Variants in HMGCS2 observed in about 807,000 individuals in gnomAD.
HMGCS2 encodes the protein hydroxymethylglutaryl-CoA synthase, mitochondrial.
Under a neutral mutation model 57.4 loss-of-function variants are expected in HMGCS2, and 50 were observed. The ratio of observed to expected loss-of-function variants is 0.87; its 90% CI spans 0.69 to 1.10. The LOEUF (loss-of-function observed/expected upper bound fraction) is 1.10. HMGCS2 is among the 50% of genes least tolerant of loss of function. The pLI, the probability that HMGCS2 is intolerant of heterozygous loss-of-function variation, is 0.00. For synonymous variants in HMGCS2, 254 were observed against 245.1 expected (o/e 1.04, Z -0.34); for missense variants, 627 against 636.5 (o/e 0.99, Z 0.16).
At chr1:119,763,082 G>A (rs1050643087) in intron 2 of HMGCS2, among the ~76,000 whole-genome samples, 2 of 152,116 alleles carry the variant, frequency 1.3e-5, no homozygotes, top group African/African-American at 2.4e-5. Context: ...GATGTAGACT[G>A]GACCATCCCA....
intron 6 of HMGCS2, among the ~76,000 whole-genome samples, chr1:119,754,204 G>C (rs896463014): frequency 6.6e-6 from 1 of 152,118 alleles, no homozygotes; most frequent in South Asian, 2.1e-4. Flanking sequence ...CTACAGGCAC[G>C]TACCACCATG....
intron 2 of HMGCS2, 107 bp from the exon 3 acceptor site, chr1:119,760,096 A>G (rs1652992215): frequency 1.9e-6 from 2 of 1,042,024 alleles, no homozygotes; most frequent in Non-Finnish European, 1.5e-6. Context: ...AGAGTGATAA[A>G]CAAAATAAAA....
chr1:119,750,811 A>G lies in HMGCS2; in HGVS notation c.1518T>C (p.Arg506=), dbSNP rs761781401. ...CTCTCACTCACCACCTTTAGACGGG[A>G]CGCCGGGCATACTTTCGGCGATGCT... is the stretch of plus-strand genomic sequence containing the variant. The part of the protein sequence containing the change: ...DEQHRRKYAR[R]PV The change falls in exon 9 of 10, where the codon CGT becomes CGC. Residue 506 remains arginine (R), a synonymous_variant. Coordinates refer to ENST00000369406, the MANE Select transcript of HMGCS2 (RefSeq NM_005518.4). 6.2e-7 allele frequency: 1 copy of G among 1,612,506 alleles called. No individual in the cohort carries two copies. Among genetic ancestry groups the G allele is most frequent in the South Asian group, 1.1e-5 (1 of 91,038 alleles).
chr1:119,751,872 A>G (rs1652671729), intron 8 of HMGCS2, among the ~76,000 whole-genome samples: 1 of 152,208 alleles, frequency 6.6e-6, no homozygotes, highest in Admixed American at 6.5e-5. Context: ...TTTGCTTGAG[A>G]ATATATATAA....
At chr1:119,755,621 A>T (rs1409599608) in intron 5 of HMGCS2, 24 bp from the exon 6 acceptor site, 1 of 1,613,398 alleles carries the variant, frequency 6.2e-7, no homozygotes, top group African/African-American at 1.3e-5. Flanking sequence ...AGAGGTAGCC[A>T]TGTGAGAGGC....
intron 6 of HMGCS2, among the ~76,000 whole-genome samples, chr1:119,754,590 C>G (rs896753649): frequency 3.3e-5 from 5 of 151,262 alleles, no homozygotes; most frequent in Admixed American, 1.3e-4. Context: ...ACCTGCTAAG[C>G]ACTGCTATTT....
At position 119,764,214 on chromosome 1, in the gene HMGCS2, G is replaced by A. The variant is rs757431290; in HGVS notation, c.517C>T (p.Leu173Phe). The change falls in exon 2 of 10, where the codon CTC becomes TTC. Residue 173 changes from leucine to phenylalanine, a missense_variant. Transcript: ENST00000369406. ...TNACYGGTAS[L>F]FNAANWMESS... ...TCCATCCAGTTGGCAGCATTGAAGA[G>A]GGAGGCAGTACCACCGTAGCAGGCA... The A allele has an allele frequency of 8.7e-6, 14 of 1,613,748 alleles. No homozygotes were observed. The African/African-American group carries it at 1.9e-4, about 22-fold the overall frequency.
intron 1 of HMGCS2, among the ~76,000 whole-genome samples, chr1:119,766,863 G>A (rs1653248445): frequency 6.6e-6 from 1 of 152,164 alleles, no homozygotes; most frequent in African/African-American, 2.4e-5. Flanking sequence ...ATAAAGCCTT[G>A]AAGAAAATTA....
At chr1:119,760,175 T>A (rs1482005937) in intron 2 of HMGCS2, among the ~76,000 whole-genome samples, 186 bp from the exon 3 acceptor site, 1 of 152,222 alleles carries the variant, frequency 6.6e-6, no homozygotes, top group Non-Finnish European at 1.5e-5. Flanking sequence ...AGTCAAAATT[T>A]AGTGTCCTGA....
intron 2 of HMGCS2, among the ~76,000 whole-genome samples, chr1:119,761,726 A>C (rs894817360): frequency 6.6e-6 from 1 of 152,102 alleles, no homozygotes; most frequent in African/African-American, 2.4e-5. Flanking sequence ...GATCACCGCC[A>C]CTGCACTCCA....
In HMGCS2 at chr1:119,748,766, A is replaced by T. The variant is rs1652542147; in HGVS notation, c.*81T>A. ...AATTCATTTACCAGCTAAGAGTGGG[A>T]TCTTAAAAATATGATTCACGGGGAG... On this transcript the variant is annotated 3_prime_UTR_variant, in exon 10 of 10. Transcript: ENST00000369406. The T allele has an allele frequency of 1.3e-5, 2 of 152,190 alleles. No individual in the cohort carries two copies. The highest frequency in any genetic ancestry group is 2.4e-5 in the African/African-American group (1 of 41,442). 9.4% of individuals were successfully genotyped at this position (152,190 alleles called of 1,614,324 possible).
At chr1:119,761,706 A>C (rs1177479766) in intron 2 of HMGCS2, among the ~76,000 whole-genome samples, 1 of 152,080 alleles carries the variant, frequency 6.6e-6, no homozygotes, top group African/African-American at 2.4e-5. Context: ...CAGAGGTTGC[A>C]GTGAGCTGAG....
intron 9 of HMGCS2, 28 bp downstream of exon 9, chr1:119,750,769 G>GCCACCAA: frequency 7.0e-7 from 1 of 1,427,820 alleles, no homozygotes; most frequent in Non-Finnish European, 9.9e-7. Flanking sequence ...AGGGTTTTAT[G>GCCACCAA]CCACCAACTC....
At position 119,748,355 on chromosome 1, in the gene HMGCS2, G is replaced by T. The variant is rs587625788; in HGVS notation, c.*492C>A. The T allele has an allele frequency of 6.6e-6, 1 of 152,282 alleles. No individual in the cohort carries two copies. Among genetic ancestry groups the T allele is most frequent in the South Asian group, 2.1e-4 (1 of 4,822 alleles). The allele number at this position is 152,282 out of a possible 1,614,324, so 9.4% of individuals were successfully genotyped here. A position where few individuals can be genotyped will look rare whatever the true frequency, so the allele number is the denominator to read the frequency against. ...GCATGTTAGGCTGGGTTTGTATTCT[G>T]GGTTCCAAGAAACGCAGGAATCATT... is the stretch of plus-strand genomic sequence containing the variant. On this transcript the variant is annotated 3_prime_UTR_variant, in exon 10 of 10. Transcript: ENST00000369406.
chr1:119,761,167 G>C (rs1653025452), intron 2 of HMGCS2, among the ~76,000 whole-genome samples: 1 of 147,318 alleles, frequency 6.8e-6, no homozygotes, highest in Non-Finnish European at 1.5e-5. Context: ...ATTAGTATAA[G>C]TAAATTGGTA....
Position 119,759,859 on chromosome 1 carries a change from C to A in HMGCS2, c.685+5G>T. 1 of 1,614,064 alleles carries A rather than the reference C, an allele frequency of 6.2e-7. No individual in the cohort carries two copies. The highest frequency in any genetic ancestry group is 8.5e-7 in the Non-Finnish European group (1 of 1,179,966). ...ACAGCCTCTTGGTAATGGATTACTA[C>A]AAACCTCGCTCCAGGGCCAGAGGGG... On this transcript the variant is annotated splice_donor_5th_base_variant and intron_variant, in intron 3 of 9. Coordinates refer to ENST00000369406, the MANE Select transcript of HMGCS2 (RefSeq NM_005518.4).
At chr1:119,755,048 A>C (rs1478113225) in intron 6 of HMGCS2, among the ~76,000 whole-genome samples, 1 of 151,574 alleles carries the variant, frequency 6.6e-6, no homozygotes, top group Non-Finnish European at 1.5e-5. Context: ...ACAGGATCTC[A>C]TTCTGTCATC....
chr1:119,755,890 T>C (rs1652822269), intron 5 of HMGCS2, among the ~76,000 whole-genome samples: 1 of 84,580 alleles, frequency 1.2e-5, no homozygotes, highest in East Asian at 3.2e-4. Flanking sequence ...TAACTTAGTG[T>C]GTGTGTGTAT....
rs767366737 is a variant in HMGCS2 at position 119,764,300 on chromosome 1, A to T, written c.431T>A (p.Val144Glu). The change falls in exon 2 of 10, where the codon GTG becomes GAG. Residue 144 changes from valine to glutamate, a missense_variant. Coordinates refer to ENST00000369406, the MANE Select transcript of HMGCS2 (RefSeq NM_005518.4). ...IIDKSKAVKT[V>E]LMELFQDSGN... The stretch of plus-strand genomic sequence containing the variant: ...TGAATCCTGGAAGAGTTCCATGAGC[A>T]CTGTTTTGACAGCTTTGGACTTGTC... 5 of 1,614,138 alleles carry T rather than the reference A, an allele frequency of 3.1e-6. No homozygotes were observed. The highest frequency in any genetic ancestry group is 4.2e-6 in the Non-Finnish European group (5 of 1,180,006).
Sources: gnomAD v4.1 joint callset for allele counts (sites outside exome capture counted in the v4.1 genomes callset) on GRCh38, gnomAD v4.1.1 for gene constraint, MANE v1.5 for transcripts, NCBI Gene and HGNC (gene_info 2026-07-23, HGNC 2026-07-21) for gene names.